The following TPO variants were observed in gnomAD, a reference collection of about 807,000 sequenced individuals.
TPO encodes the protein thyroid peroxidase.
TPO carries 78 observed loss-of-function variants against 96.9 expected under a neutral mutation model. The ratio of observed to expected loss-of-function variants is 0.81; its 90% confidence interval spans 0.67 to 0.97. The LOEUF is 0.97. Ranked by LOEUF, TPO falls within the 50% of genes least tolerant of loss-of-function variation. The pLI, the probability that TPO is intolerant of heterozygous loss-of-function variation, is 0.00. For synonymous variants in TPO, 547 were observed against 538.0 expected (o/e 1.02, Z -0.23); for missense variants, 1,252 against 1,274.8 (o/e 0.98, Z 0.27).
chr2:1,439,639 T>A (rs80150619), intron 5 of TPO, among the ~76,000 whole-genome samples: 3,212 of 152,238 alleles, frequency 0.021, 99 homozygotes, highest in East Asian at 0.12. Context: ...GTTGGTAAGA[T>A]ACAGCCTCGT....
At chr2:1,442,940 A>T (rs1573205017) in intron 5 of TPO, among the ~76,000 whole-genome samples, 1 of 152,176 alleles carries the variant, frequency 6.6e-6, no homozygotes, top group Non-Finnish European at 1.5e-5. Flanking sequence ...TCTTTGAAAA[A>T]TTGCATTATT....
At position 1,542,538 on chromosome 2, in the gene TPO, C is replaced by CCAAA. The variant is rs1558451052; in HGVS notation, c.*67_*70dup. ...CCCAAAATCACCGTACGACTCTTTT[C>CCAAA]CAAACACAGGCAAATCCGAAATCAG... On this transcript the variant is annotated 3_prime_UTR_variant, in exon 17 of 17. Transcript: ENST00000329066. 1.5e-5 allele frequency: 24 copies of CCAAA among 1,608,424 alleles called. No individual in the cohort carries two copies. The highest frequency in any genetic ancestry group is 2.2e-5 in the South Asian group (2 of 89,826).
chr2:1,395,396 T>A (rs73165388), intron 1 of TPO, among the ~76,000 whole-genome samples: 3,122 of 152,288 alleles, frequency 0.021, 110 homozygotes, highest in African/African-American at 0.071. Flanking sequence ...ATTAAAAAGC[T>A]CTGCACTTAA....
chr2:1,463,436 T>G (rs1668625928), intron 7 of TPO, among the ~76,000 whole-genome samples: 1 of 151,952 alleles, frequency 6.6e-6, no homozygotes, highest in South Asian at 2.1e-4. Flanking sequence ...TACGGTGGAG[T>G]GAGAGGGTGG....
intron 1 of TPO, among the ~76,000 whole-genome samples, chr2:1,403,347 T>G (rs1033620559): frequency 2.6e-5 from 4 of 152,190 alleles, no homozygotes; most frequent in Admixed American, 1.3e-4. Flanking sequence ...GAGGCCCAGA[T>G]GGACACCACT....
At chr2:1,389,219 G>C (rs1003303411) in intron 1 of TPO, among the ~76,000 whole-genome samples, 1 of 152,186 alleles carries the variant, frequency 6.6e-6, no homozygotes, top group Non-Finnish European at 1.5e-5. Flanking sequence ...GAAGGGTGCT[G>C]AGGGCGTCTC....
At chr2:1,461,640 G>A (rs556238857) in intron 7 of TPO, among the ~76,000 whole-genome samples, 38 of 152,192 alleles carry the variant, frequency 2.5e-4, no homozygotes, top group African/African-American at 8.7e-4. Flanking sequence ...ACAGGTGACC[G>A]TGACCGCCCG....
chr2:1,411,681 G>A (rs912642941), upstream of TPO, among the ~76,000 whole-genome samples: 1 of 152,128 alleles, frequency 6.6e-6, no homozygotes, highest in Non-Finnish European at 1.5e-5. Context: ...GCCTGGTTGT[G>A]CCTGGAGACC....
chr2:1,528,441 C>T (rs1477650978), intron 15 of TPO, among the ~76,000 whole-genome samples: 14 of 147,394 alleles, frequency 9.5e-5, no homozygotes, highest in Non-Finnish European at 2.1e-4. Context: ...AATCCCCCCA[C>T]TGTGTGCAAC....
chr2:1,458,977 G>A (rs999220881), intron 7 of TPO, among the ~76,000 whole-genome samples: 1 of 151,952 alleles, frequency 6.6e-6, no homozygotes, highest in Admixed American at 6.6e-5. Flanking sequence ...TAGATCCAGG[G>A]GTAAGATTGC....
intron 1 of TPO, among the ~76,000 whole-genome samples, chr2:1,397,304 G>T (rs2148367925): frequency 6.6e-6 from 1 of 152,308 alleles, no homozygotes; most frequent in East Asian, 1.9e-4. Flanking sequence ...TTTTACTGCA[G>T]GAAAACACAA....
At chr2:1,408,989 T>C (rs1478565891), upstream of TPO, among the ~76,000 whole-genome samples, 1 of 152,186 alleles carries the variant, frequency 6.6e-6, no homozygotes, top group Admixed American at 6.5e-5. Context: ...CATGGGTCCC[T>C]GGTCAGGAGG....
In TPO at chr2:1,532,887, G is replaced by A. The variant is rs1403496665; in HGVS notation, c.2619-7707G>A. ...CAACCTCCTCAAATACCCCCAGTTT[G>A]CAACCTCCCAAAATCTCCCTATGTG... On this transcript the variant is annotated intron_variant, in intron 15 of 16. Transcript: ENST00000329066. 2.2e-5 allele frequency among the ~76,000 whole-genome samples: 2 copies of A among 91,130 alleles called. 1 individual carries two copies. The highest frequency in any genetic ancestry group is 3.9e-5 in the Non-Finnish European group (2 of 50,844). The allele number at this position is 91,130 out of a possible 152,430, so 59.8% of individuals were successfully genotyped here.
At chr2:1,444,482 G>A (rs1666558456) in intron 5 of TPO, among the ~76,000 whole-genome samples, 1 of 127,198 alleles carries the variant, frequency 7.9e-6, no homozygotes, top group Non-Finnish European at 1.7e-5. Flanking sequence ...GCTGCAGGAG[G>A]TACTGTGTTG....
intron 8 of TPO, among the ~76,000 whole-genome samples, chr2:1,480,820 ACG>A (rs1670549800): frequency 6.6e-6 from 1 of 151,852 alleles, no homozygotes; most frequent in Non-Finnish European, 1.5e-5. Flanking sequence ...CGTCCACACC[ACG>A]TCCCTGCTGC....
chr2:1,509,027 C>G (rs909044176), intron 14 of TPO, among the ~76,000 whole-genome samples: 5 of 152,182 alleles, frequency 3.3e-5, no homozygotes, highest in Admixed American at 3.3e-4. Context: ...GCATTTAGTG[C>G]TATAAATTTC....
In TPO at chr2:1,433,466, C is replaced by G. The variant is rs17855780; in HGVS notation, c.208C>G (p.Pro70Ala). The G allele has an allele frequency of 9.9e-4, 1,604 of 1,614,204 alleles. 4 individuals carry two copies. The highest frequency in any genetic ancestry group is 1.2e-3 in the Non-Finnish European group (1,365 of 1,180,042). Residue 70 changes from proline (P) to alanine (A), a missense_variant, in exon 4 of 17, where the codon CCA becomes GCA. Transcript: ENST00000329066. ...CCTCAAGAAAAGAGGAATCCTTTCTCCAGCTCAGCTTCTGTCTTTTTCCAA... is the reference window on the plus strand; with the variant it reads ...CCTCAAGAAAAGAGGAATCCTTTCTGCAGCTCAGCTTCTGTCTTTTTCCAA... ...RNLKKRGILS[P>A]AQLLSFSKLP... is the part of the protein sequence containing the mutation.
chr2:1,486,542 A>C (rs1671184158), intron 9 of TPO, among the ~76,000 whole-genome samples: 1 of 152,122 alleles, frequency 6.6e-6, no homozygotes, highest in Admixed American at 6.5e-5. Context: ...ATTTGAAAAT[A>C]AAATAAAATA....
intron 2 of TPO, among the ~76,000 whole-genome samples, chr2:1,422,344 C>CTTCGTGCAGACGCCGCGCTGGACA (rs1558264301): frequency 1.3e-5 from 1 of 77,620 alleles, no homozygotes; most frequent in African/African-American, 4.6e-5. Context: ...TCTCCTGGAC[C>CTTCGTGCAGACGCCGCGCTGGACA]GACCTCGTGC....
Sources: gnomAD v4.1 joint callset for allele counts (sites outside exome capture counted in the v4.1 genomes callset) on GRCh38, gnomAD v4.1.1 for gene constraint, MANE v1.5 for transcripts, NCBI Gene and HGNC (gene_info 2026-07-23, HGNC 2026-07-21) for gene names.